The following OSBP2 variants were observed in gnomAD, a reference collection of about 807,000 sequenced individuals.
OSBP2 encodes oxysterol binding protein 2, also known as oxysterol-binding protein 2.
Under a neutral mutation model 96.0 loss-of-function variants are expected in OSBP2, and 66 were observed. The ratio of observed to expected loss-of-function variants is 0.69; its 90% CI spans 0.56 to 0.84. The LOEUF (loss-of-function observed/expected upper bound fraction) is 0.84. Among genes scored for constraint, OSBP2 ranks in the 40% least tolerant of loss-of-function variants. The pLI is 0.00. For missense variants in OSBP2, 1,038 were observed against 1,222.7 expected, an observed-to-expected ratio of 0.85 and a Z score of 2.25; for synonymous variants, 525 against 520.9, an observed-to-expected ratio of 1.01 and a Z score of -0.11.
At chr22:30,809,239 C>T (rs2090974633) in intron 2 of OSBP2, among the ~76,000 whole-genome samples, 1 of 152,094 alleles carries the variant, frequency 6.6e-6, no homozygotes, top group Admixed American at 6.5e-5. Flanking sequence ...TTTTGGCAGC[C>T]CTAGGAAACT....
intron 2 of OSBP2, among the ~76,000 whole-genome samples, chr22:30,752,538 C>T (rs1268412272): frequency 6.6e-6 from 1 of 151,924 alleles, no homozygotes; most frequent in Non-Finnish European, 1.5e-5. Context: ...GATCCGCCTG[C>T]CTTGGCCTCC....
intron 1 of OSBP2, among the ~76,000 whole-genome samples, chr22:30,728,352 G>A (rs935281228): frequency 8.3e-5 from 12 of 145,146 alleles, no homozygotes; most frequent in African/African-American, 2.6e-4. Flanking sequence ...CCAAGATCGC[G>A]CCACTGCACT....
intron 2 of OSBP2, among the ~76,000 whole-genome samples, chr22:30,835,604 T>A (rs1274582007): frequency 1.3e-5 from 2 of 152,192 alleles, no homozygotes; most frequent in Non-Finnish European, 2.9e-5. Context: ...GAGACCATAC[T>A]GGTATTTTCT....
chr22:30,827,550 C>T (rs545459941), intron 2 of OSBP2, among the ~76,000 whole-genome samples: 1 of 152,334 alleles, frequency 6.6e-6, no homozygotes, highest in African/African-American at 2.4e-5. Context: ...CAGTATAAAT[C>T]TGGCTCCTTA....
intron 2 of OSBP2, among the ~76,000 whole-genome samples, chr22:30,746,049 CTG>C (rs1383388963): frequency 6.6e-6 from 1 of 152,118 alleles, no homozygotes; most frequent in African/African-American, 2.4e-5. Context: ...GTCATTGAAT[CTG>C]TAATCAAAGA....
chr22:30,850,795 G>A (rs757527173), intron 2 of OSBP2, among the ~76,000 whole-genome samples: 5 of 152,056 alleles, frequency 3.3e-5, no homozygotes, highest in African/African-American at 4.8e-5. Flanking sequence ...CACTGCACCC[G>A]GCCTGATTTT....
At chr22:30,711,046 T>C (rs962975619) in intron 1 of OSBP2, among the ~76,000 whole-genome samples, 2 of 152,118 alleles carry the variant, frequency 1.3e-5, no homozygotes, top group African/African-American at 4.8e-5. Flanking sequence ...CGCCCAGCCT[T>C]GTACTTGTCT....
intron 2 of OSBP2, among the ~76,000 whole-genome samples, chr22:30,800,425 A>C (rs2090833399): frequency 6.6e-6 from 1 of 152,144 alleles, no homozygotes; most frequent in Non-Finnish European, 1.5e-5. Flanking sequence ...GGAGGAAGGC[A>C]TGAGCCATGG....
At chr22:30,882,857 G>T (rs1471245657) in intron 3 of OSBP2, among the ~76,000 whole-genome samples, 1 of 152,226 alleles carries the variant, frequency 6.6e-6, no homozygotes, top group Admixed American at 6.5e-5. Context: ...GTAGGAGGTA[G>T]GGGGCCTAAT....
intron 2 of OSBP2, among the ~76,000 whole-genome samples, chr22:30,778,048 T>A (rs1278728409): frequency 6.6e-6 from 1 of 151,974 alleles, no homozygotes; most frequent in Non-Finnish European, 1.5e-5. Context: ...CAGGCTAGAG[T>A]GCAGTGGTGC....
At chr22:30,732,692 C>G (rs2089797611) in intron 1 of OSBP2, among the ~76,000 whole-genome samples, 1 of 152,226 alleles carries the variant, frequency 6.6e-6, no homozygotes, top group Non-Finnish European at 1.5e-5. Context: ...CAGGGCCACT[C>G]CTGGACCTGT....
At chr22:30,895,454 G>A (rs1374514377) in intron 12 of OSBP2, among the ~76,000 whole-genome samples, 1 of 152,142 alleles carries the variant, frequency 6.6e-6, no homozygotes, top group Non-Finnish European at 1.5e-5. Context: ...CTTCCAGGGA[G>A]GAGCAAAAGA....
intron 8 of OSBP2, 108 bp from the exon 9 acceptor site, chr22:30,893,012 CCA>C: frequency 7.0e-7 from 1 of 1,419,612 alleles, no homozygotes; most frequent in East Asian, 2.3e-5. Flanking sequence ...GCTCCTATGG[CCA>C]CAGAGCTGTG....
At chr22:30,843,454 C>CA (rs561425373) in intron 2 of OSBP2, among the ~76,000 whole-genome samples, 9 of 104,060 alleles carry the variant, frequency 8.6e-5, no homozygotes, top group Admixed American at 4.1e-4. Context: ...TCCCCCCTCC[C>CA]CCTTGAGCAA....
At chr22:30,740,235 A>T (rs2089919778) in intron 1 of OSBP2, among the ~76,000 whole-genome samples, 1 of 152,132 alleles carries the variant, frequency 6.6e-6, no homozygotes, top group African/African-American at 2.4e-5. Flanking sequence ...AGATCACAGG[A>T]TGTTGAAGCT....
intron 5 of OSBP2, among the ~76,000 whole-genome samples, chr22:30,888,779 G>A (rs2039875200): frequency 6.6e-6 from 1 of 152,100 alleles, no homozygotes; most frequent in African/African-American, 2.4e-5. Flanking sequence ...ATTGTTGTGT[G>A]AGCCTCATAG....
intron 2 of OSBP2, among the ~76,000 whole-genome samples, chr22:30,865,762 G>A (rs764837582): frequency 4.6e-5 from 7 of 152,172 alleles, no homozygotes; most frequent in Non-Finnish European, 8.8e-5. Flanking sequence ...CACACACCGG[G>A]TGGTTACCAT....
At chr22:30,904,793 T>C (rs2040292580) in intron 12 of OSBP2, among the ~76,000 whole-genome samples, 1 of 152,166 alleles carries the variant, frequency 6.6e-6, no homozygotes, top group African/African-American at 2.4e-5. Flanking sequence ...TTATGCCAAG[T>C]ATATTGTCTG....
intron 2 of OSBP2, among the ~76,000 whole-genome samples, chr22:30,846,440 C>T (rs1424941693): frequency 2.0e-5 from 3 of 152,144 alleles, no homozygotes; most frequent in African/African-American, 4.8e-5. Context: ...TGTGAGCCAC[C>T]GCACCCAGCC....
Sources: gnomAD v4.1 joint callset for allele counts (sites outside exome capture counted in the v4.1 genomes callset) on GRCh38, gnomAD v4.1.1 for gene constraint, MANE v1.5 for transcripts, NCBI Gene and HGNC (gene_info 2026-07-23, HGNC 2026-07-21) for gene names.